GSTA4: variants seen among roughly 807,000 people sequenced by gnomAD.
GSTA4 encodes the protein glutathione S-transferase A4.
Under a neutral mutation model 24.4 loss-of-function variants are expected in GSTA4, and 15 were observed. That is an observed-to-expected ratio of 0.61 (90% CI 0.41 to 0.95). GSTA4 has a LOEUF of 0.95. Ranked by LOEUF, GSTA4 falls within the 40% of genes least tolerant of loss-of-function variation. GSTA4 has a pLI of 0.00. For synonymous variants in GSTA4, 92 were observed against 94.2 expected (o/e 0.98, Z 0.13); for missense variants, 244 against 262.1 (o/e 0.93, Z 0.48).
intron 2 of GSTA4, among the ~76,000 whole-genome samples, chr6:52,989,387 T>C (rs1463240136): frequency 1.3e-5 from 2 of 152,144 alleles, no homozygotes; most frequent in Non-Finnish European, 2.9e-5. Context: ...CCAAGAACCC[T>C]CGGTTGGGGT....
At chr6:52,984,154 A>G (rs1383483693) in intron 5 of GSTA4, among the ~76,000 whole-genome samples, 1 of 152,252 alleles carries the variant, frequency 6.6e-6, no homozygotes, top group Non-Finnish European at 1.5e-5. Flanking sequence ...TGTTTTCTGT[A>G]TCTTCTGAAG....
chr6:52,985,714 C>T (rs1212084826), intron 3 of GSTA4, 131 bp from the exon 4 acceptor site: 2 of 935,878 alleles, frequency 2.1e-6, no homozygotes, highest in Non-Finnish European at 3.3e-6. Flanking sequence ...TTCCAGATGA[C>T]AGATAACCTT....
In GSTA4 at chr6:52,978,389, A is replaced by G. The variant is rs140884201; in HGVS notation, c.*81T>C. The G allele has an allele frequency of 1.5e-6, 2 of 1,373,338 alleles. No individual in the cohort carries two copies. The highest frequency in any genetic ancestry group is 2.0e-6 in the Non-Finnish European group (2 of 984,802). 85.1% of individuals were successfully genotyped at this position (1,373,338 alleles called of 1,614,324 possible). The stretch of plus-strand genomic sequence containing the variant: ...CTTAATACATAGATAGCACCATGAC[A>G]GAGCTGGGATCCATTAAGACATGAC... On this transcript the variant is annotated 3_prime_UTR_variant, in exon 7 of 7. Coordinates refer to ENST00000370963, the MANE Select transcript of GSTA4 (RefSeq NM_001512.4).
At chr6:52,991,802 G>T (rs548835686) in intron 2 of GSTA4, among the ~76,000 whole-genome samples, 1 of 143,054 alleles carries the variant, frequency 7.0e-6, no homozygotes, top group South Asian at 2.2e-4. Context: ...CTGTTGTCCA[G>T]GCTGGAATGC....
chr6:52,993,111 C>T (rs994232016), intron 2 of GSTA4, among the ~76,000 whole-genome samples: 1 of 151,976 alleles, frequency 6.6e-6, no homozygotes. Flanking sequence ...AAAAAAAAAC[C>T]CAGAACATTA....
Position 52,978,473 on chromosome 6 carries a change from T to A in GSTA4, c.666A>T (p.Pro222=). The change falls in exon 7 of 7, where the codon CCA becomes CCT. Residue 222 remains proline (P), a synonymous_variant. Transcript: ENST00000370963. ...ACTCACACATGGATGTGTTGTTTTA[T>A]GGCCTAAAGATGTTGTAGACGGTTC... ...YVRTVYNIFR[P] 1.2e-6 allele frequency: 2 copies of A among 1,613,604 alleles called. No homozygotes were observed. Among genetic ancestry groups the A allele is most frequent in the Non-Finnish European group, 1.7e-6 (2 of 1,179,758 alleles).
At chr6:52,991,698 A>G (rs969315783) in intron 2 of GSTA4, among the ~76,000 whole-genome samples, 1 of 152,174 alleles carries the variant, frequency 6.6e-6, no homozygotes, top group African/African-American at 2.4e-5. Context: ...TCTTCCAAAA[A>G]TAAATGGCAC....
intron 6 of GSTA4, among the ~76,000 whole-genome samples, chr6:52,980,311 GT>G (rs10658673): frequency 0.098 from 14,415 of 147,268 alleles, 946 homozygotes; most frequent in Admixed American, 0.23. Flanking sequence ...ATTTCACTTT[GT>G]TTTTTTTTTT....
chr6:52,980,885 G>C (rs77289312), intron 6 of GSTA4, among the ~76,000 whole-genome samples: 604 of 152,306 alleles, frequency 4.0e-3, no homozygotes, highest in Middle Eastern at 0.01. Context: ...GGGTGGGGTT[G>C]ACGGGACAGA....
intron 6 of GSTA4, among the ~76,000 whole-genome samples, chr6:52,978,976 C>T (rs1215565621): frequency 6.6e-6 from 1 of 152,108 alleles, no homozygotes; most frequent in East Asian, 1.9e-4. Flanking sequence ...TCTCTGTCAT[C>T]AATCACCGGT....
intron 6 of GSTA4, among the ~76,000 whole-genome samples, chr6:52,980,796 A>G (rs1477816008): frequency 6.6e-6 from 1 of 152,210 alleles, no homozygotes; most frequent in African/African-American, 2.4e-5. Flanking sequence ...TCTTGCAACT[A>G]TGCAGAATGT....
chr6:52,994,061 G>A (rs74639653), intron 2 of GSTA4, 96 bp downstream of exon 2: 3 of 851,146 alleles, frequency 3.5e-6, no homozygotes, highest in East Asian at 4.8e-5. Flanking sequence ...TTTGGTGGAC[G>A]AGAACTAGAA....
chr6:52,981,796 A>C (rs1763455635), intron 6 of GSTA4, among the ~76,000 whole-genome samples: 1 of 152,142 alleles, frequency 6.6e-6, no homozygotes, highest in Admixed American at 6.6e-5. Flanking sequence ...CTACTTCCTC[A>C]AGTGAATATT....
At chr6:52,994,841 C>A (rs1178986853) in intron 1 of GSTA4, among the ~76,000 whole-genome samples, 2 of 152,154 alleles carry the variant, frequency 1.3e-5, no homozygotes, top group Non-Finnish European at 1.5e-5. Context: ...GGAGATGAGC[C>A]CCCGGCCTTG....
At chr6:52,983,168 C>T (rs316132) in intron 5 of GSTA4, among the ~76,000 whole-genome samples, 85,685 of 151,936 alleles carry the variant, frequency 0.56, 24,496 homozygotes, top group East Asian at 0.74. Context: ...CCCAGTTCTG[C>T]TGCTAGAACA....
intron 6 of GSTA4, 101 bp downstream of exon 6, chr6:52,982,473 C>T (rs1581908625): frequency 2.3e-6 from 1 of 437,626 alleles, no homozygotes; most frequent in East Asian, 4.4e-5. Flanking sequence ...AAATATTACA[C>T]ATACACACAC....
chr6:52,987,359 T>C lies in GSTA4; in HGVS notation c.137A>G (p.Asp46Gly). The change falls in exon 3 of 7, where the codon GAT becomes GGT. Residue 46 changes from aspartate to glycine, a missense_variant and splice_region_variant. Asp to Gly is a moderately conservative substitution (Grantham distance 94). Coordinates refer to ENST00000370963, the MANE Select transcript of GSTA4 (RefSeq NM_001512.4). ...AGTTGTTTCATTTTCATACTCACCATCCTGCAACTTGTACAACTGTTCTTT... is the reference window on the plus strand; with the variant it reads ...AGTTGTTTCATTTTCATACTCACCACCCTGCAACTTGTACAACTGTTCTTT... The part of the protein sequence containing the change: ...ETKEQLYKLQ[D>G]GNHLLFQQVP... The C allele has an allele frequency of 1.9e-6, 3 of 1,583,768 alleles. No individual in the cohort carries two copies. The highest frequency in any genetic ancestry group is 1.3e-5 in the African/African-American group (1 of 74,136).
intron 3 of GSTA4, 28 bp from the exon 4 acceptor site, chr6:52,985,611 T>A (rs1169210633): frequency 6.2e-7 from 1 of 1,610,734 alleles, no homozygotes; most frequent in African/African-American, 1.3e-5. Flanking sequence ...GAGTTAGAAG[T>A]GATCTTTTCT....
chr6:52,989,106 G>A (rs1429169231), intron 2 of GSTA4, among the ~76,000 whole-genome samples: 1 of 152,146 alleles, frequency 6.6e-6, no homozygotes, highest in Non-Finnish European at 1.5e-5. Context: ...ACCTCTGGTC[G>A]TCCTCATTGC....
Sources: gnomAD v4.1 joint callset for allele counts (sites outside exome capture counted in the v4.1 genomes callset) on GRCh38, gnomAD v4.1.1 for gene constraint, MANE v1.5 for transcripts, NCBI Gene and HGNC (gene_info 2026-07-23, HGNC 2026-07-21) for gene names.